Variants in AAMDC observed in about 807,000 individuals in gnomAD.
AAMDC encodes the protein adipogenesis associated Mth938 domain containing, also known as mth938 domain-containing protein.
In AAMDC, 16 loss-of-function variants were observed where a neutral mutation model predicts 15.5. The observed-to-expected ratio is 1.03, with a 90% CI of 0.70 to 1.57. The LOEUF is 1.57. Among genes scored for constraint, AAMDC ranks in the 40% most tolerant of loss-of-function variants. The pLI is 0.00. For missense variants in AAMDC, 141 were observed against 144.9 expected, an observed-to-expected ratio of 0.97 and a Z score of 0.14; for synonymous variants, 51 against 51.6, an observed-to-expected ratio of 0.99 and a Z score of 0.05.
At chr11:77,877,237 G>T (rs1320252284), downstream of AAMDC, among the ~76,000 whole-genome samples, 1 of 143,648 alleles carries the variant, frequency 7.0e-6, no homozygotes, top group Non-Finnish European at 1.5e-5. Flanking sequence ...ATAAAATGAA[G>T]ATAACAGTAC....
intron 5 of AAMDC, among the ~76,000 whole-genome samples, chr11:77,885,471 C>G (rs1951964962): frequency 6.6e-6 from 1 of 152,084 alleles, no homozygotes; most frequent in African/African-American, 2.4e-5. Flanking sequence ...GTCTCAGTTT[C>G]CTGATCCTTA....
At chr11:77,903,520 G>A, downstream of AAMDC, 1 of 1,610,628 alleles carries the variant, frequency 6.2e-7, no homozygotes, top group South Asian at 1.1e-5. Flanking sequence ...TATTTGAAGG[G>A]AAGGTCTGAA....
rs752477296 is a variant in AAMDC, at chr11:77,842,574, C to A, written c.78C>A (p.Cys26Ter). ...VKGSNTTYKD[C>*]KVWPGGSRTW... ...GCTCTAATACAACCTATAAGGACTG[C>A]AAAGTATGGCCAGGGGGTAGTCGGA... Residue 26 changes from cysteine (C) to a stop codon, truncating the protein, a stop_gained, in exon 2 of 4, where the codon TGC becomes TGA. Coordinates refer to ENST00000393427, the MANE Select transcript of AAMDC (RefSeq NM_024684.4). LOFTEE classifies it high-confidence loss of function. 3.1e-6 allele frequency: 5 copies of A among 1,613,876 alleles called. No individual in the cohort carries two copies. The highest frequency in any genetic ancestry group is 1.3e-5 in the African/African-American group (1 of 74,914).
chr11:77,838,243 A>T (rs1290332555), intron 1 of AAMDC, among the ~76,000 whole-genome samples: 1 of 140,768 alleles, frequency 7.1e-6, no homozygotes, highest in African/African-American at 2.5e-5. Flanking sequence ...TTATGTGTCA[A>T]CGTGGTAAGG....
chr11:77,841,152 C>T (rs1010408850), intron 1 of AAMDC: 1 of 699,862 alleles, frequency 1.4e-6, no homozygotes, highest in Non-Finnish European at 2.6e-6. Flanking sequence ...TTATAATGAA[C>T]CTACTACTCC....
rs191027225 is a variant in AAMDC, at chr11:77,826,581, A to G, written c.-19+5340A>G. On this transcript the variant is annotated intron_variant, in intron 1 of 3. Coordinates refer to ENST00000393427, the MANE Select transcript of AAMDC (RefSeq NM_024684.4). Reference sequence around the variant, plus strand: ...ACTGTATTTACATGCCAGTTGCAGCATAGTCGCTACCCTGAGCCTCCCAAG... The same window carrying G: ...ACTGTATTTACATGCCAGTTGCAGCGTAGTCGCTACCCTGAGCCTCCCAAG... 1.9e-3 allele frequency among the ~76,000 whole-genome samples: 289 copies of G among 152,310 alleles called. 4 individuals are homozygous for G. The highest frequency in any genetic ancestry group is 6.8e-3 in the African/African-American group (281 of 41,574).
downstream of AAMDC, among the ~76,000 whole-genome samples, chr11:77,902,541 T>C (rs1413664939): frequency 5.3e-5 from 8 of 152,360 alleles, no homozygotes; most frequent in African/African-American, 1.2e-4. Context: ...GTATTACCTA[T>C]AGCTCTATGA....
chr11:77,866,199 C>T (rs1951100652), intron 2 of AAMDC, among the ~76,000 whole-genome samples: 1 of 152,158 alleles, frequency 6.6e-6, no homozygotes, highest in Non-Finnish European at 1.5e-5. Flanking sequence ...TCAAGACAGA[C>T]AGGATGCCAT....
intron 1 of AAMDC, among the ~76,000 whole-genome samples, chr11:77,821,666 C>T (rs1948909691): frequency 6.6e-6 from 1 of 151,740 alleles, no homozygotes; most frequent in African/African-American, 2.4e-5. Flanking sequence ...AGAGGCGGAA[C>T]ATGACAGGAG....
At chr11:77,898,055 G>A (rs1025978609) in intron 5 of AAMDC, among the ~76,000 whole-genome samples, 3 of 152,216 alleles carry the variant, frequency 2.0e-5, no homozygotes, top group South Asian at 2.1e-4. Flanking sequence ...GGACTCAAGC[G>A]ATCCTCCTGC....
At chr11:77,891,960 A>G in intron 5 of AAMDC, 2 of 1,527,318 alleles carry the variant, frequency 1.3e-6, no homozygotes, top group South Asian at 2.5e-5. Context: ...AGGAGCTTGC[A>G]GTTTACGACC....
rs529415098 is a variant in AAMDC at position 77,854,952 on chromosome 11, A to G, written c.132+12324A>G. ...ACTAGGCAGAGGCTCCCAAGCCTCA[A>G]TTGTCACACTCTGTGCACCCACTGG... On this transcript the variant is annotated intron_variant, in intron 2 of 3. Coordinates refer to ENST00000393427, the MANE Select transcript of AAMDC (RefSeq NM_024684.4). Among the ~76,000 whole-genome samples, 18 of 152,336 alleles carry G rather than the reference A, an allele frequency of 1.2e-4. No homozygotes were observed. In the East Asian group the frequency reaches 2.9e-3, roughly 24 times the overall value.
At chr11:77,865,440 G>T (rs1235076944) in intron 2 of AAMDC, among the ~76,000 whole-genome samples, 2 of 152,160 alleles carry the variant, frequency 1.3e-5, no homozygotes, top group African/African-American at 4.8e-5. Flanking sequence ...AGGCATGGCA[G>T]GGCTCTAACT....
chr11:77,835,161 A>G (rs906549949), intron 1 of AAMDC, among the ~76,000 whole-genome samples: 5 of 152,204 alleles, frequency 3.3e-5, no homozygotes, highest in African/African-American at 1.2e-4. Context: ...ACTGTATTCT[A>G]GCAAATAACA....
intron 5 of AAMDC, among the ~76,000 whole-genome samples, chr11:77,880,763 G>C (rs561631615): frequency 6.6e-6 from 1 of 152,212 alleles, no homozygotes; most frequent in Admixed American, 6.5e-5. Context: ...TTTGAGACTA[G>C]CCTGGGCAAC....
downstream of AAMDC, chr11:77,876,916 G>T: frequency 1.4e-6 from 1 of 702,006 alleles, no homozygotes. Context: ...GATGGGCTCA[G>T]GCAGCAGCCA....
intron 1 of AAMDC, among the ~76,000 whole-genome samples, chr11:77,840,223 C>T (rs1949872001): frequency 1.3e-5 from 2 of 152,118 alleles, no homozygotes; most frequent in South Asian, 4.1e-4. Flanking sequence ...TCACTTTCTA[C>T]TGTTTAGTAC....
intron 2 of AAMDC, among the ~76,000 whole-genome samples, chr11:77,854,941 C>T (rs1325126604): frequency 6.6e-6 from 1 of 152,230 alleles, no homozygotes; most frequent in Non-Finnish European, 1.5e-5. Context: ...GGCAGAGGCT[C>T]CCAAGCCTCA....
chr11:77,839,809 G>T (rs992949481), intron 1 of AAMDC, among the ~76,000 whole-genome samples: 2 of 152,062 alleles, frequency 1.3e-5, no homozygotes, highest in Non-Finnish European at 2.9e-5. Flanking sequence ...ACACACACTG[G>T]GGCTTGCTGG....
Sources: allele counts gnomAD v4.1 joint callset (sites outside exome capture counted in the v4.1 genomes callset), GRCh38; gene constraint gnomAD v4.1.1; transcripts MANE v1.5; gene names NCBI Gene and HGNC (gene_info 2026-07-23, HGNC 2026-07-21).